Variants in CEP128 observed in about 807,000 individuals in gnomAD.
CEP128 encodes the protein centrosomal protein 128kDa.
In CEP128, 132 loss-of-function variants were observed where a neutral mutation model predicts 156.7. The observed-to-expected ratio is 0.84, with a 90% CI of 0.73 to 0.97. The LOEUF (loss-of-function observed/expected upper bound fraction) is 0.97. CEP128 is among the 50% of genes least tolerant of loss of function. CEP128 has a pLI of 0.00. For synonymous variants in CEP128, 469 were observed against 448.9 expected (o/e 1.04, Z -0.57); for missense variants, 1,252 against 1,281.9 (o/e 0.98, Z 0.36).
chr14:80,718,754 C>A (rs1005571428), intron 19 of CEP128, among the ~76,000 whole-genome samples: 3 of 152,132 alleles, frequency 2.0e-5, no homozygotes, highest in African/African-American at 7.2e-5. Context: ...ACAGTTTAAA[C>A]CAAAACAAGA....
chr14:80,479,664 C>T (rs1887013426), intron 14 of CEP128, among the ~76,000 whole-genome samples: 1 of 152,130 alleles, frequency 6.6e-6, no homozygotes. Flanking sequence ...CCGTATCATT[C>T]TGCCCCTGGT....
chr14:80,576,406 A>G (rs1376152809), intron 20 of CEP128, among the ~76,000 whole-genome samples: 5 of 152,220 alleles, frequency 3.3e-5, no homozygotes, highest in Non-Finnish European at 7.3e-5. Context: ...CTGCAAATGA[A>G]TGTCACACAC....
At chr14:80,687,406 C>T (rs1043419791) in intron 19 of CEP128, among the ~76,000 whole-genome samples, 2 of 151,958 alleles carry the variant, frequency 1.3e-5, no homozygotes, top group Non-Finnish European at 1.5e-5. Context: ...CCATAAAGAA[C>T]GAATAATGAA....
intron 19 of CEP128, among the ~76,000 whole-genome samples, chr14:80,642,159 C>G (rs1894443542): frequency 6.6e-6 from 1 of 151,352 alleles, no homozygotes; most frequent in Non-Finnish European, 1.5e-5. Context: ...ATTCCATCAG[C>G]CTACAGACAT....
chr14:80,480,523 C>G (rs1204191875), intron 14 of CEP128, among the ~76,000 whole-genome samples: 1 of 152,164 alleles, frequency 6.6e-6, no homozygotes, highest in Non-Finnish European at 1.5e-5. Flanking sequence ...GACCCTGGAC[C>G]TGGCCCAGGA....
chr14:80,610,365 G>T (rs778381852), intron 19 of CEP128, among the ~76,000 whole-genome samples: 1 of 152,020 alleles, frequency 6.6e-6, no homozygotes, highest in African/African-American at 2.4e-5. Flanking sequence ...TGATAACTTA[G>T]AAGAGGTATA....
chr14:80,554,932 C>A (rs557287284), intron 21 of CEP128, among the ~76,000 whole-genome samples: 1 of 151,950 alleles, frequency 6.6e-6, no homozygotes, highest in Non-Finnish European at 1.5e-5. Context: ...TCCGAAAGAG[C>A]CACCAGAAAA....
At chr14:80,758,522 C>CAA (rs56253131) in intron 17 of CEP128, among the ~76,000 whole-genome samples, 23 of 115,388 alleles carry the variant, frequency 2.0e-4, no homozygotes, top group African/African-American at 5.3e-4. Flanking sequence ...GACTTTGTCT[C>CAA]AAAAAAAAAA....
At position 80,505,033 on chromosome 14, in the gene CEP128, A is replaced by T; in HGVS notation, c.3073-13T>A. On this transcript the variant is annotated splice_polypyrimidine_tract_variant and intron_variant, in intron 23 of 24. Coordinates refer to ENST00000555265, the MANE Select transcript of CEP128 (RefSeq NM_152446.5). ...AGGTTCTGTCACCCTAAGGAAAAAA[A>T]GGCACAGCATTTCAATGATTACACA... 7.0e-7 allele frequency: 1 copy of T among 1,427,116 alleles called. No individual in the cohort carries two copies. Among genetic ancestry groups the T allele is most frequent in the Admixed American group, 1.8e-5 (1 of 54,206 alleles). 88.4% of individuals were successfully genotyped at this position (1,427,116 alleles called of 1,614,324 possible).
chr14:80,583,907 T>C (rs955248528), intron 19 of CEP128, among the ~76,000 whole-genome samples: 1 of 152,194 alleles, frequency 6.6e-6, no homozygotes, highest in African/African-American at 2.4e-5. Context: ...AACAAATATA[T>C]GAAGACATGA....
At chr14:80,687,800 TCGCACTC>T (rs1435591236) in intron 19 of CEP128, among the ~76,000 whole-genome samples, 7 of 152,158 alleles carry the variant, frequency 4.6e-5, no homozygotes, top group African/African-American at 1.7e-4. Context: ...CAAAATGAGA[TCGCACTC>T]ATGCACGAAA....
Position 80,792,811 on chromosome 14 carries a change from C to G in CEP128, c.1509G>C (p.Ala503=). ...WKLKHKKLER[A]LEKQSETVDE... is the part of the protein sequence containing the mutation. ...CAACAGTTTCAGATTGTTTCTCCAA[C>G]GCTCGTTCTAACTTCTTATGCTTAA... Residue 503 remains alanine, a synonymous_variant, in exon 14 of 25, where the codon GCG becomes GCC. Coordinates refer to ENST00000555265, the MANE Select transcript of CEP128 (RefSeq NM_152446.5). The G allele has an allele frequency of 1.2e-6, 2 of 1,614,170 alleles. No homozygotes were observed. Among genetic ancestry groups the G allele is most frequent in the South Asian group, 2.2e-5 (2 of 91,086 alleles).
At chr14:80,688,620 T>A (rs1896605827) in intron 19 of CEP128, among the ~76,000 whole-genome samples, 1 of 152,206 alleles carries the variant, frequency 6.6e-6, no homozygotes, top group African/African-American at 2.4e-5. Flanking sequence ...AGGCATCACC[T>A]AAAAATCTCC....
chr14:80,768,857 T>C (rs1390605047), intron 16 of CEP128, among the ~76,000 whole-genome samples: 1 of 152,192 alleles, frequency 6.6e-6, no homozygotes, highest in Non-Finnish European at 1.5e-5. Flanking sequence ...TATTGAGCAA[T>C]ACAAAGACGA....
intron 24 of CEP128, among the ~76,000 whole-genome samples, chr14:80,503,397 A>G (rs942237493): frequency 3.3e-5 from 5 of 152,206 alleles, no homozygotes; most frequent in Admixed American, 2.6e-4. Context: ...ACCTAAATAC[A>G]GGTTCTTTCA....
chr14:80,879,637 T>C (rs1888436396), intron 8 of CEP128, among the ~76,000 whole-genome samples: 1 of 150,964 alleles, frequency 6.6e-6, no homozygotes, highest in South Asian at 2.1e-4. Context: ...TATTTTGAAA[T>C]GACTCAACCA....
At chr14:80,632,576 A>G (rs986268193) in intron 19 of CEP128, among the ~76,000 whole-genome samples, 7 of 149,800 alleles carry the variant, frequency 4.7e-5, no homozygotes, top group Admixed American at 4.0e-4. Context: ...TCTATTATCT[A>G]TATAATATAA....
chr14:80,955,671 C>T (rs948197890), intron 2 of CEP128: 7 of 1,613,640 alleles, frequency 4.3e-6, no homozygotes, highest in Non-Finnish European at 5.9e-6. Context: ...AGCCCCGAGT[C>T]CCGTGGAAAA....
chr14:80,642,241 C>A (rs1293097354), intron 19 of CEP128, among the ~76,000 whole-genome samples: 1 of 152,110 alleles, frequency 6.6e-6, no homozygotes, highest in Non-Finnish European at 1.5e-5. Flanking sequence ...CGTAGAAACA[C>A]CTCATTCTAA....
Sources: gnomAD v4.1 joint callset for allele counts (sites outside exome capture counted in the v4.1 genomes callset) on GRCh38, gnomAD v4.1.1 for gene constraint, MANE v1.5 for transcripts, NCBI Gene and HGNC (gene_info 2026-07-23, HGNC 2026-07-21) for gene names.